RYK: variants seen among roughly 807,000 people sequenced by gnomAD.
RYK encodes the protein receptor like tyrosine kinase.
RYK carries 21 observed loss-of-function variants against 70.2 expected under a neutral mutation model. That is an observed-to-expected ratio of 0.30 (90% confidence interval 0.21 to 0.43). The LOEUF (loss-of-function observed/expected upper bound fraction) is 0.43. Among genes scored for constraint, RYK ranks in the 20% least tolerant of loss-of-function variants. The pLI, the probability that RYK is intolerant of heterozygous loss-of-function variation, is 1.00. For synonymous variants in RYK, 267 were observed against 278.0 expected (o/e 0.96, Z 0.39); for missense variants, 604 against 753.3 (o/e 0.80, Z 2.32).
chr3:134,206,897 C>T (rs1376199427), intron 5 of RYK, among the ~76,000 whole-genome samples: 1 of 151,572 alleles, frequency 6.6e-6, no homozygotes, highest in East Asian at 1.9e-4. Context: ...AGTCTACTTG[C>T]ATGAAGAGAA....
intron 9 of RYK, among the ~76,000 whole-genome samples, chr3:134,188,167 A>ATATATAT (rs1363782363): frequency 7.7e-6 from 1 of 130,228 alleles, no homozygotes; most frequent in African/African-American, 2.8e-5. Flanking sequence ...ATATATATAT[A>ATATATAT]TTTTTTTTTT....
chr3:134,216,881 G>C (rs1162915669), intron 2 of RYK, among the ~76,000 whole-genome samples: 1 of 149,212 alleles, frequency 6.7e-6, no homozygotes, highest in African/African-American at 2.5e-5. Flanking sequence ...GAATGTTCTG[G>C]AATACAGAAG....
chr3:134,196,504 G>A (rs1159907966), intron 6 of RYK, among the ~76,000 whole-genome samples: 2 of 151,834 alleles, frequency 1.3e-5, no homozygotes, highest in African/African-American at 4.8e-5. Flanking sequence ...CTATTTGGAA[G>A]GCTGTTAGGC....
At chr3:134,194,863 C>T (rs1230760702) in intron 7 of RYK, among the ~76,000 whole-genome samples, 1 of 152,206 alleles carries the variant, frequency 6.6e-6, no homozygotes, top group Non-Finnish European at 1.5e-5. Context: ...CCGAAAGCCA[C>T]ACCAATTCTA....
chr3:134,242,282 G>A (rs1317785969), intron 1 of RYK, among the ~76,000 whole-genome samples: 1 of 151,252 alleles, frequency 6.6e-6, no homozygotes, highest in Non-Finnish European at 1.5e-5. Flanking sequence ...TCCAGCCTGG[G>A]TGACAAGAGC....
chr3:134,232,297 C>T (rs1231678199), intron 1 of RYK, among the ~76,000 whole-genome samples: 1 of 152,146 alleles, frequency 6.6e-6, no homozygotes, highest in African/African-American at 2.4e-5. Flanking sequence ...CTACATCAGA[C>T]ATACACCATC....
At chr3:134,223,259 T>C (rs1450251595) in intron 1 of RYK, among the ~76,000 whole-genome samples, 6 of 152,134 alleles carry the variant, frequency 3.9e-5, no homozygotes, top group African/African-American at 1.4e-4. Context: ...GACTCCGAAG[T>C]TTCACTCACT....
At chr3:134,250,002 T>G (rs1576542732) in intron 1 of RYK, among the ~76,000 whole-genome samples, 1 of 135,352 alleles carries the variant, frequency 7.4e-6, no homozygotes, top group South Asian at 2.5e-4. Flanking sequence ...CAGCAAAGGG[T>G]TTGCAAGTTC....
rs761189431 is a variant in RYK at position 134,202,807 on chromosome 3, A to G, written c.711T>C (p.Cys237=). Residue 237 remains cysteine, a synonymous_variant, in exon 6 of 15, where the codon TGT becomes TGC. Coordinates refer to ENST00000623711, the MANE Select transcript of RYK (RefSeq NM_002958.4). Reference sequence around the variant, plus strand: ...TTATTGCTACGAGAAATATTACTGCACAACAAACCCCTACACTAATATAAA... The same window carrying G: ...TTATTGCTACGAGAAATATTACTGCGCAACAAACCCCTACACTAATATAAA... ...RVFYISVGVC[C]AVIFLVAIIL... is the part of the protein sequence containing the mutation. The G allele has an allele frequency of 6.2e-7, 1 of 1,613,624 alleles. No individual in the cohort carries two copies. The highest frequency in any genetic ancestry group is 8.5e-7 in the Non-Finnish European group (1 of 1,179,602).
At position 134,211,582 on chromosome 3, in the gene RYK, A is replaced by G. The variant is rs1263951826; in HGVS notation, c.380T>C (p.Val127Ala). 6.2e-7 allele frequency: 1 copy of G among 1,613,676 alleles called. No homozygotes were observed. The highest frequency in any genetic ancestry group is 8.5e-7 in the Non-Finnish European group (1 of 1,179,652). Residue 127 changes from valine to alanine, a missense_variant, in exon 3 of 15, where the codon GTG becomes GCG. Transcript: ENST00000623711. ...SKVEYKLGFQ[V>A]DNVLAMDMPQ... is the part of the protein sequence containing the mutation. ...CATATCCATTGCCAAAACATTGTCC[A>G]CTTGGAATCCCAGCTTATATTCAAC...
intron 1 of RYK, among the ~76,000 whole-genome samples, chr3:134,244,242 C>T (rs1464873294): frequency 6.6e-6 from 1 of 152,182 alleles, no homozygotes; most frequent in Non-Finnish European, 1.5e-5. Flanking sequence ...GCTTCTGGCA[C>T]TGCCCAGCCA....
intron 6 of RYK, among the ~76,000 whole-genome samples, chr3:134,198,778 A>G (rs2013893933): frequency 6.6e-6 from 1 of 152,226 alleles, no homozygotes; most frequent in African/African-American, 2.4e-5. Flanking sequence ...TCCTCCCTCT[A>G]TTCATTGGTT....
At chr3:134,188,167 ATT>A (rs57894961) in intron 9 of RYK, among the ~76,000 whole-genome samples, 1,406 of 130,190 alleles carry the variant, frequency 0.011, 21 homozygotes, top group African/African-American at 0.032. Context: ...ATATATATAT[ATT>A]TTTTTTTTTT....
rs1406775444 is a variant in RYK, at chr3:134,175,728, G to A, written c.1456C>T (p.Leu486Phe). 2.5e-6 allele frequency: 4 copies of A among 1,613,712 alleles called. No homozygotes were observed. The African/African-American group carries it at 4.0e-5, about 16-fold the overall frequency. ...TCCATGGGGAACAAGTCTCTGGAGA[G>A]GGCATTGTCTGTGATCTTAACTTGA... The part of the protein sequence containing the change: ...TLQVKITDNA[L>F]SRDLFPMDYH... Residue 486 changes from leucine to phenylalanine, a missense_variant, in exon 13 of 15, where the codon CTC becomes TTC. Physicochemically the swap from Leu to Phe is conservative, Grantham distance 22. Transcript: ENST00000623711.
chr3:134,229,337 T>C (rs1352926441), intron 1 of RYK, among the ~76,000 whole-genome samples: 1 of 145,584 alleles, frequency 6.9e-6, no homozygotes, highest in Non-Finnish European at 1.5e-5. Context: ...CCCCAACCCC[T>C]TCTGTCTCTC....
intron 1 of RYK, among the ~76,000 whole-genome samples, chr3:134,224,675 C>A (rs1243413514): frequency 6.6e-6 from 1 of 151,790 alleles, no homozygotes; most frequent in Non-Finnish European, 1.5e-5. Context: ...ACCACTAGAC[C>A]AAGGTCTGCT....
rs11425839 is a variant in RYK, at chr3:134,216,035, CA to C, written c.355-4429del. ...TGGGTGACAGAGTGAGACTCAGTCT[CA>C]AAAAAAAAAAGAAAAAGAAAAAGAA... On this transcript the variant is annotated intron_variant, in intron 2 of 14. Transcript: ENST00000623711. Among the ~76,000 whole-genome samples, 38 of 130,776 alleles carry C rather than the reference CA, an allele frequency of 2.9e-4. 1 individual carries two copies. The highest frequency in any genetic ancestry group is 1.5e-3 in the Admixed American group (20 of 13,148). The allele number at this position is 130,776 out of a possible 152,430, so 85.8% of individuals were successfully genotyped here.
At chr3:134,221,352 G>A (rs779508620) in intron 2 of RYK, among the ~76,000 whole-genome samples, 1 of 151,392 alleles carries the variant, frequency 6.6e-6, no homozygotes, top group South Asian at 2.1e-4. Context: ...ATACAGGTGT[G>A]TGCCACCACA....
At chr3:134,210,447 C>A (rs888247863) in intron 3 of RYK, among the ~76,000 whole-genome samples, 1 of 152,182 alleles carries the variant, frequency 6.6e-6, no homozygotes, top group Non-Finnish European at 1.5e-5. Context: ...TAAAACCTAT[C>A]ATTCTACCAT....
Sources: allele counts gnomAD v4.1 joint callset (sites outside exome capture counted in the v4.1 genomes callset), GRCh38; gene constraint gnomAD v4.1.1; transcripts MANE v1.5; gene names NCBI Gene and HGNC (gene_info 2026-07-23, HGNC 2026-07-21).